ZNF81: variants seen among roughly 807,000 people sequenced by gnomAD.
The protein encoded by ZNF81 is zinc finger protein 81, also known as zinc finger protein 81 (HFZ20).
A neutral mutation model predicts 32.3 loss-of-function variants in ZNF81; 5 were observed. The observed-to-expected ratio is 0.15, with a 90% confidence interval of 0.08 to 0.33. The LOEUF is 0.33. ZNF81 is among the 10% of genes least tolerant of loss of function. The probability of loss-of-function intolerance (pLI) is 1.00; values close to 1 mark genes in which losing one functional copy is unlikely to be tolerated. For synonymous variants in ZNF81, 163 were observed against 166.8 expected, an observed-to-expected ratio of 0.98 and a Z score of 0.17; for missense variants, 379 against 479.8, an observed-to-expected ratio of 0.79 and a Z score of 1.96.
intron 3 of ZNF81, among the ~76,000 whole-genome samples, chrX:47,893,556 T>C (rs1320427234): frequency 9.0e-6 from 1 of 110,783 alleles, no homozygotes; most frequent in Non-Finnish European, 1.9e-5. Context: ...AACTTGGGAC[T>C]CTGACCCAGC....
intron 2 of ZNF81, among the ~76,000 whole-genome samples, chrX:47,880,960 G>T (rs912178284): frequency 1.8e-5 from 2 of 111,690 alleles, no homozygotes; most frequent in Non-Finnish European, 3.8e-5. Flanking sequence ...GTATCACATG[G>T]CTAGGGGATT....
chrX:47,904,884 T>TA (rs782686108), intron 4 of ZNF81, among the ~76,000 whole-genome samples: 1 of 111,278 alleles, frequency 9.0e-6, no homozygotes, highest in Non-Finnish European at 1.9e-5. Flanking sequence ...TATGCAGCCA[T>TA]AAAAAATGAT....
At chrX:47,850,673 TG>T (rs1367368573) in intron 2 of ZNF81, among the ~76,000 whole-genome samples, 4 of 105,253 alleles carry the variant, frequency 3.8e-5, no homozygotes, top group Non-Finnish European at 7.8e-5. Context: ...TTCCAGATTG[TG>T]GTGGTAATTA....
At chrX:47,868,525 C>T (rs1302995056) in intron 2 of ZNF81, among the ~76,000 whole-genome samples, 1 of 111,218 alleles carries the variant, frequency 9.0e-6, no homozygotes, top group Non-Finnish European at 1.9e-5. Context: ...CATTAAATTA[C>T]TCCAAATAGT....
intron 2 of ZNF81, among the ~76,000 whole-genome samples, chrX:47,848,416 A>G (rs923072908): frequency 9.0e-6 from 1 of 111,569 alleles, no homozygotes; most frequent in East Asian, 2.8e-4. Flanking sequence ...TAAAAACTTT[A>G]TCTTCCAAAT....
intron 2 of ZNF81, among the ~76,000 whole-genome samples, chrX:47,883,124 A>G (rs2058627466): frequency 8.9e-6 from 1 of 112,413 alleles, no homozygotes; most frequent in Admixed American, 9.4e-5. Flanking sequence ...ATGCTTTCTC[A>G]ATATAGCTTA....
intron 2 of ZNF81, among the ~76,000 whole-genome samples, chrX:47,865,734 G>T (rs782786555): frequency 8.1e-4 from 91 of 111,664 alleles, no homozygotes; most frequent in Non-Finnish European, 1.4e-3. Context: ...GTCTCTTTTG[G>T]GGCTTTCTTT....
chrX:47,858,856 C>T (rs902833055), intron 2 of ZNF81, among the ~76,000 whole-genome samples: 41 of 109,907 alleles, frequency 3.7e-4, no homozygotes, highest in African/African-American at 1.2e-3. Context: ...TTTGGGAGGC[C>T]GAGGCAGGCA....
At chrX:47,903,218 G>C (rs1241714171) in intron 4 of ZNF81, among the ~76,000 whole-genome samples, 15 of 106,721 alleles carry the variant, frequency 1.4e-4, no homozygotes, top group African/African-American at 5.1e-4. Context: ...AGGGCAATTA[G>C]GCAGGAGAAG....
intron 2 of ZNF81, among the ~76,000 whole-genome samples, chrX:47,868,813 G>C (rs782523977): frequency 9.1e-6 from 1 of 109,518 alleles, no homozygotes; most frequent in South Asian, 4.0e-4. Flanking sequence ...AGGCTCAAGG[G>C]ATACATGTCT....
At chrX:47,913,727 G>A (rs1269853883) in intron 4 of ZNF81, among the ~76,000 whole-genome samples, 1 of 111,791 alleles carries the variant, frequency 8.9e-6, no homozygotes, top group African/African-American at 3.2e-5. Flanking sequence ...GTGCTTGTTA[G>A]GAGAACAGTG....
At chrX:47,864,246 G>A (rs2313519) in intron 2 of ZNF81, among the ~76,000 whole-genome samples, 47,853 of 110,306 alleles carry the variant, frequency 0.43, 7,807 homozygotes, top group East Asian at 0.63. Context: ...GCCTGTGGAC[G>A]GTAGAGAATA....
rs782785068 is a variant in ZNF81, at chrX:47,853,329, A to G, written c.54+7008A>G. Among the ~76,000 whole-genome samples the G allele has an allele frequency of 3.7e-5, 4 of 108,921 alleles. No individual in the cohort carries two copies. In the Admixed American group the frequency reaches 3.9e-4, roughly 11 times the overall value. The allele number at this position is 108,921 out of a possible 115,157, so 94.6% of individuals were successfully genotyped here. A position where few individuals can be genotyped will look rare whatever the true frequency, so the allele number is the denominator to read the frequency against. On this transcript the variant is annotated intron_variant, in intron 2 of 4. Transcript: ENST00000338637. ...CCCGAGTAGCTGGGACTACAGACAC[A>G]CGCCACCACGCCCAGCTAATTTTTG...
At chrX:47,864,424 C>T (rs1556882974) in intron 2 of ZNF81, among the ~76,000 whole-genome samples, 3 of 111,943 alleles carry the variant, frequency 2.7e-5, no homozygotes, top group African/African-American at 9.7e-5. Flanking sequence ...CCTGAGGAGA[C>T]GTCAACAGTG....
At chrX:47,884,045 A>T (rs1556885452) in intron 2 of ZNF81, among the ~76,000 whole-genome samples, 2 of 109,606 alleles carry the variant, frequency 1.8e-5, no homozygotes, top group Non-Finnish European at 3.8e-5. Context: ...CAGGAGTTCA[A>T]CATCAGCCTG....
intron 4 of ZNF81, 50 bp downstream of exon 4, chrX:47,895,990 T>A (rs782649075): frequency 2.1e-6 from 2 of 950,889 alleles, no homozygotes; most frequent in Admixed American, 4.8e-5. Context: ...ATTTTTTTTT[T>A]CCCTAAGGAA....
chrX:47,842,886 A>G (rs1190090572), intron 1 of ZNF81: 1 of 112,088 alleles, frequency 8.9e-6, no homozygotes, highest in Non-Finnish European at 1.9e-5. Context: ...TTGGCTTCCC[A>G]AAGTTCTGGG....
chrX:47,857,278 A>G (rs782100709), intron 2 of ZNF81, among the ~76,000 whole-genome samples: 1 of 112,456 alleles, frequency 8.9e-6, no homozygotes, highest in Non-Finnish European at 1.9e-5. Flanking sequence ...AGAAAAAAAA[A>G]TTTTAAAACT....
At chrX:47,849,682 A>G (rs1249237350) in intron 2 of ZNF81, among the ~76,000 whole-genome samples, 2 of 110,750 alleles carry the variant, frequency 1.8e-5, no homozygotes, top group Admixed American at 9.6e-5. Context: ...CAAAAAAAAA[A>G]AAAAGAAGAA....
Sources: allele counts gnomAD v4.1 joint callset (sites outside exome capture counted in the v4.1 genomes callset), GRCh38; gene constraint gnomAD v4.1.1; transcripts MANE v1.5; gene names NCBI Gene and HGNC (gene_info 2026-07-23, HGNC 2026-07-21).